The following SEMA5B variants were observed in gnomAD, a reference collection of about 807,000 sequenced individuals.
SEMA5B encodes the protein semaphorin-5B.
In SEMA5B, 66 loss-of-function variants were observed where a neutral mutation model predicts 135.0. The observed-to-expected ratio is 0.49, with a 90% confidence interval of 0.40 to 0.60. The LOEUF is 0.60. SEMA5B is among the 20% of genes least tolerant of loss of function. The probability of loss-of-function intolerance (pLI) is 0.00; values close to 1 mark genes in which losing one functional copy is unlikely to be tolerated. For synonymous variants in SEMA5B, 690 were observed against 639.5 expected (o/e 1.08, Z -1.19); for missense variants, 1,501 against 1,566.3 (o/e 0.96, Z 0.70).
chr3:122,959,679 C>T (rs753856893), intron 2 of SEMA5B, among the ~76,000 whole-genome samples: 2 of 152,124 alleles, frequency 1.3e-5, no homozygotes, highest in African/African-American at 2.4e-5. Context: ...GGAAGATGGA[C>T]CAAATGCATG....
chr3:122,977,164 G>A (rs11718170), intron 1 of SEMA5B, among the ~76,000 whole-genome samples: 15,671 of 152,194 alleles, frequency 0.1, 852 homozygotes, highest in Middle Eastern at 0.17. Context: ...TGAGGAGGAG[G>A]AGGAGGATGC....
intron 6 of SEMA5B, 138 bp from the exon 7 acceptor site, chr3:122,928,753 G>T: frequency 1.3e-6 from 1 of 758,322 alleles, no homozygotes; most frequent in Non-Finnish European, 2.2e-6. Flanking sequence ...CTGTCCCGAC[G>T]TCCGGGTCAC....
intron 1 of SEMA5B, among the ~76,000 whole-genome samples, chr3:123,005,898 AT>A (rs1216277789): frequency 1.3e-5 from 2 of 152,174 alleles, no homozygotes; most frequent in African/African-American, 4.8e-5. Context: ...ATGGCCAGAG[AT>A]TATGGGCTTG....
intron 22 of SEMA5B, among the ~76,000 whole-genome samples, chr3:122,910,524 T>C (rs551296341): frequency 2.6e-5 from 4 of 152,198 alleles, no homozygotes; most frequent in Non-Finnish European, 2.9e-5. Flanking sequence ...ACAAGAAGGC[T>C]CCCGGCCGGG....
chr3:122,941,312 T>C (rs977271408), intron 4 of SEMA5B, among the ~76,000 whole-genome samples: 9 of 152,194 alleles, frequency 5.9e-5, no homozygotes, highest in Non-Finnish European at 2.9e-5. Context: ...GGCTCAAGGA[T>C]GCAGGAAAAA....
chr3:122,977,568 G>A (rs530031069), intron 1 of SEMA5B, among the ~76,000 whole-genome samples: 4 of 152,306 alleles, frequency 2.6e-5, no homozygotes, highest in African/African-American at 7.2e-5. Context: ...AGGGACTACA[G>A]CTCTACCTAG....
At chr3:123,027,185 CGCCGACCACAGCCCTGGCAGG>C (rs1942823111) in intron 1 of SEMA5B, 1 of 152,924 alleles carries the variant, frequency 6.5e-6, no homozygotes, top group Non-Finnish European at 1.5e-5. Context: ...AGCCCAGATG[CGCCGACCACAGCCCTGGCAGG>C]GCCCAGTGCA....
At chr3:122,915,721 A>T (rs1938037899) in intron 13 of SEMA5B, 52 bp downstream of exon 13, 6 of 1,606,348 alleles carry the variant, frequency 3.7e-6, no homozygotes, top group Admixed American at 1.7e-5. Flanking sequence ...GGGGAGTCAT[A>T]GCCTGAATTG....
chr3:122,927,823 G>A lies in SEMA5B; in HGVS notation c.817C>T (p.Arg273Cys). ...CACTTGGAGTTATATTGGGCAGTGC[G>A]AAGCGGTGGCCCACTGCCCAGGCTG... Reference protein sequence around the residue: ...YRSLGSGPPLRTAQYNSKWLN... With the variant: ...YRSLGSGPPLCTAQYNSKWLN... The change falls in exon 8 of 23, where the codon CGC becomes TGC. Residue 273 changes from arginine (R) to cysteine (C), a missense_variant. Transcript: ENST00000357599. The A allele has an allele frequency of 6.5e-7, 1 of 1,545,928 alleles. No homozygotes were observed. Among genetic ancestry groups the A allele is most frequent in the South Asian group, 1.2e-5 (1 of 80,488 alleles).
chr3:122,944,997 G>T (rs1939721396), intron 3 of SEMA5B, among the ~76,000 whole-genome samples: 1 of 151,192 alleles, frequency 6.6e-6, no homozygotes, highest in Non-Finnish European at 1.5e-5. Context: ...GAGAGATAGA[G>T]AGAGAGGCAG....
chr3:123,025,120 T>C (rs1356087876), intron 1 of SEMA5B, among the ~76,000 whole-genome samples: 1 of 152,154 alleles, frequency 6.6e-6, no homozygotes, highest in African/African-American at 2.4e-5. Flanking sequence ...CAATCTACAG[T>C]GTTGGGCTGG....
At chr3:122,939,277 G>A in intron 5 of SEMA5B, 148 bp downstream of exon 5, 1 of 671,230 alleles carries the variant, frequency 1.5e-6, no homozygotes, top group Non-Finnish European at 2.7e-6. Context: ...TGATAGCTGG[G>A]GTCTGAGTCC....
intron 6 of SEMA5B, 102 bp downstream of exon 6, chr3:122,928,894 C>T (rs991251653): frequency 9.8e-6 from 12 of 1,220,832 alleles, no homozygotes; most frequent in Non-Finnish European, 1.4e-5. Context: ...GGCCAGGCCT[C>T]TCTAGCAGGG....
chr3:122,952,951 G>A (rs188042161), intron 2 of SEMA5B, among the ~76,000 whole-genome samples: 5 of 152,232 alleles, frequency 3.3e-5, no homozygotes, highest in South Asian at 2.1e-4. Context: ...CAGCCCCTGC[G>A]TACTGCACAG....
chr3:123,022,382 C>T (rs778780029), intron 1 of SEMA5B, among the ~76,000 whole-genome samples: 1 of 152,226 alleles, frequency 6.6e-6, no homozygotes, highest in Non-Finnish European at 1.5e-5. Flanking sequence ...AAACAAGTTC[C>T]ATGCGCAAGT....
intron 12 of SEMA5B, among the ~76,000 whole-genome samples, chr3:122,917,396 A>G (rs908042866): frequency 3.9e-5 from 6 of 152,208 alleles, no homozygotes; most frequent in Non-Finnish European, 5.9e-5. Flanking sequence ...GGGGCCAAAG[A>G]TGCCTAGGGC....
intron 1 of SEMA5B, among the ~76,000 whole-genome samples, chr3:123,009,836 G>T (rs543444960): frequency 6.6e-6 from 1 of 152,162 alleles, no homozygotes; most frequent in Non-Finnish European, 1.5e-5. Flanking sequence ...ACAATAACTC[G>T]ACACACATTT....
chr3:122,931,976 G>C (rs562785253), intron 5 of SEMA5B, among the ~76,000 whole-genome samples: 1 of 152,308 alleles, frequency 6.6e-6, no homozygotes, highest in South Asian at 2.1e-4. Flanking sequence ...ACAACATCAA[G>C]ACTGCACCTG....
rs113027635 is a variant in SEMA5B, at chr3:123,008,260, T to C, written c.-39+19204A>G. Among the ~76,000 whole-genome samples, 1,303 of 152,366 alleles carry C rather than the reference T, an allele frequency of 8.6e-3. 16 individuals carry two copies. The highest frequency in any genetic ancestry group is 0.03 in the African/African-American group (1,229 of 41,574). ...TGTTAACATCTAGCTTCATAAGGTC[T>C]GGCCTCTAATCAATAATAAACTGAG... On this transcript the variant is annotated intron_variant, in intron 1 of 22. Coordinates refer to ENST00000357599, the MANE Select transcript of SEMA5B (RefSeq NM_001031702.4).
Sources: gnomAD v4.1 joint callset for allele counts (sites outside exome capture counted in the v4.1 genomes callset) on GRCh38, gnomAD v4.1.1 for gene constraint, MANE v1.5 for transcripts, NCBI Gene and HGNC (gene_info 2026-07-23, HGNC 2026-07-21) for gene names.